Variants in ATM observed in about 807,000 individuals in gnomAD.
ATM encodes ATM serine/threonine kinase.
ATM carries 308 observed loss-of-function variants against 387.0 expected under a neutral mutation model. That is an observed-to-expected ratio of 0.80 (90% CI 0.73 to 0.87). The LOEUF (loss-of-function observed/expected upper bound fraction) is 0.87, where lower values mean the gene tolerates loss of function less well. Ranked by LOEUF, ATM falls within the 40% of genes least tolerant of loss-of-function variation. The pLI, the probability that ATM is intolerant of heterozygous loss-of-function variation, is 0.00. For missense variants in ATM, 3,312 were observed against 3,560.9 expected (o/e 0.93, Z 1.78); for synonymous variants, 1,156 against 1,187.3 (o/e 0.97, Z 0.54).
chr11:108,249,047 G>C lies in ATM; in HGVS notation c.1180G>C (p.Glu394Gln), dbSNP rs2135294063. 6.2e-7 allele frequency: 1 copy of C among 1,614,046 alleles called. No individual in the cohort carries two copies. The highest frequency in any genetic ancestry group is 1.7e-5 in the Admixed American group (1 of 60,010). The change falls in exon 9 of 63, where the codon GAA becomes CAA. Residue 394 changes from glutamate (E) to glutamine (Q), a missense_variant. By Grantham distance (29) the Glu-to-Gln change is conservative. Coordinates refer to ENST00000675843, the MANE Select transcript of ATM (RefSeq NM_000051.4). ...CKRKKIELGW[E>Q]VIKDHLQKSQ... ...AAGGAAGAAAATAGAACTAGGCTGG[G>C]AAGTAATAAAAGATCACCTTCAGAA...
chr11:108,293,888 A>ATATAT (rs1389525920), intron 31 of ATM, among the ~76,000 whole-genome samples: 268 of 108,816 alleles, frequency 2.5e-3, no homozygotes, highest in Non-Finnish European at 3.9e-3. Flanking sequence ...AAAAAAAAAA[A>ATATAT]AAAAAAATAT....
chr11:108,336,699 G>C (rs1334205335), intron 56 of ATM, among the ~76,000 whole-genome samples: 1 of 152,162 alleles, frequency 6.6e-6, no homozygotes, highest in African/African-American at 2.4e-5. Flanking sequence ...TGGATTGCTG[G>C]GTTAGAGGAT....
chr11:108,284,203 T>C, intron 25 of ATM, 24 bp from the exon 26 acceptor site: 5 of 1,544,986 alleles, frequency 3.2e-6, no homozygotes, highest in Non-Finnish European at 4.4e-6. Context: ...ATATAACCTG[T>C]ATTTTAAATT....
chr11:108,316,453 C>G (rs1229615337), intron 42 of ATM, among the ~76,000 whole-genome samples: 2 of 152,082 alleles, frequency 1.3e-5, no homozygotes, highest in African/African-American at 2.4e-5. Flanking sequence ...CATGGAAAAT[C>G]TTATGTAAAC....
intron 61 of ATM, among the ~76,000 whole-genome samples, chr11:108,358,070 C>A (rs1224712661): frequency 6.7e-6 from 1 of 148,434 alleles, no homozygotes; most frequent in Non-Finnish European, 1.5e-5. Flanking sequence ...GAATGTATAA[C>A]TAGAATAACC....
chr11:108,335,878 CAACA>C lies in ATM; in HGVS notation c.8186_8189del (p.Gln2729ArgfsTer21). ...TGACCTGAGACAAGATGCTGTCATG[CAACA>C]GGTCTTCCAGATGTGTAATACATTA... On this transcript the variant is annotated frameshift_variant, in exon 56 of 63. Transcript: ENST00000675843. LOFTEE classifies it high-confidence loss of function. The C allele has an allele frequency of 6.2e-7, 1 of 1,613,902 alleles. No individual in the cohort carries two copies. The highest frequency in any genetic ancestry group is 8.5e-7 in the Non-Finnish European group (1 of 1,179,938).
chr11:108,267,804 G>A (rs1190082982), intron 17 of ATM, among the ~76,000 whole-genome samples: 1 of 152,216 alleles, frequency 6.6e-6, no homozygotes, highest in African/African-American at 2.4e-5. Flanking sequence ...GTTGCAGTGA[G>A]CCGAGATCAT....
chr11:108,297,051 G>A (rs1036117254), intron 32 of ATM: 3 of 487,454 alleles, frequency 6.2e-6, no homozygotes, highest in East Asian at 3.8e-5. Context: ...TGCACAATTT[G>A]TTTAAGACAT....
chr11:108,302,449 A>G (rs1405262908), intron 35 of ATM, among the ~76,000 whole-genome samples: 1 of 152,156 alleles, frequency 6.6e-6, no homozygotes, highest in Admixed American at 6.5e-5. Flanking sequence ...CTGGTAATAT[A>G]AACTGTTAAT....
intron 51 of ATM, 21 bp downstream of exon 51, chr11:108,331,578 A>T (rs1428052680): frequency 3.8e-6 from 6 of 1,589,434 alleles, no homozygotes; most frequent in Non-Finnish European, 5.1e-6. Context: ...CTGAAAATCA[A>T]ACCACAATAA....
At chr11:108,323,628 A>G (rs184995380) in intron 45 of ATM, among the ~76,000 whole-genome samples, 1 of 152,322 alleles carries the variant, frequency 6.6e-6, no homozygotes, top group East Asian at 1.9e-4. Flanking sequence ...ATCATTACAC[A>G]TTGTATGCTT....
Position 108,365,808 on chromosome 11 carries a change from T to A in ATM, c.*300T>A. The A allele has an allele frequency of 2.6e-6, 1 of 382,234 alleles. No individual in the cohort carries two copies. Among genetic ancestry groups the A allele is most frequent in the South Asian group, 2.6e-5 (1 of 38,306 alleles). 23.7% of individuals were successfully genotyped at this position (382,234 alleles called of 1,614,324 possible). ...GTGAGCGGATCACAAGGTCAGGAGT[T>A]CGAGACCAGCCTGGCCAAGAGACCA... On this transcript the variant is annotated 3_prime_UTR_variant, in exon 63 of 63. Coordinates refer to ENST00000675843, the MANE Select transcript of ATM (RefSeq NM_000051.4).
chr11:108,268,443 C>G lies in ATM; in HGVS notation c.2672C>G (p.Ser891Ter), dbSNP rs876660780. Residue 891 changes from serine to a stop codon, truncating the protein, a stop_gained, in exon 18 of 63, where the codon TCA becomes TGA. Transcript: ENST00000675843. LOFTEE classifies it high-confidence loss of function. ...AATCCTTTAGCTGAAGAATATCTGT[C>G]AAAGCAAGATCTACTTTTCTTAGAC... ...AINPLAEEYL[S>*]KQDLLFLDML... 1.9e-6 allele frequency: 3 copies of G among 1,613,846 alleles called. No individual in the cohort carries two copies. The highest frequency in any genetic ancestry group is 2.2e-5 in the South Asian group (2 of 91,062).
chr11:108,267,455 C>A, intron 17 of ATM, 113 bp downstream of exon 17: 3 of 897,258 alleles, frequency 3.3e-6, no homozygotes, highest in Non-Finnish European at 5.3e-6. Context: ...CTTAGTATAG[C>A]CTTTTAGGAT....
intron 16 of ATM, among the ~76,000 whole-genome samples, chr11:108,264,274 C>T (rs575076269): frequency 2.8e-4 from 42 of 151,992 alleles, no homozygotes; most frequent in African/African-American, 8.0e-4. Flanking sequence ...ATCAAAAAGC[C>T]TATCCACCAT....
At chr11:108,250,616 G>C (rs570970865) in intron 9 of ATM, 85 bp from the exon 10 acceptor site, 8 of 1,380,112 alleles carry the variant, frequency 5.8e-6, no homozygotes, top group African/African-American at 4.3e-5. Flanking sequence ...TTAGGATATT[G>C]TAAGAGTACC....
chr11:108,243,493 G>A (rs999309421), intron 5 of ATM, among the ~76,000 whole-genome samples: 1 of 152,010 alleles, frequency 6.6e-6, no homozygotes, highest in Non-Finnish European at 1.5e-5. Flanking sequence ...TGCGCCTGTG[G>A]TCCCAGCTAC....
Position 108,299,712 on chromosome 11 carries a change from A to T in ATM, c.5006-2A>T, listed in dbSNP as rs2135887733. The stretch of plus-strand genomic sequence containing the variant: ...CTACTGAAATAGAATTTCTATATGT[A>T]GAGGCTGTTGGAAGCTGCTTGGGAG... On this transcript the variant is annotated splice_acceptor_variant, in intron 33 of 62. Transcript: ENST00000675843. LOFTEE classifies it high-confidence loss of function. 6.2e-7 allele frequency: 1 copy of T among 1,613,500 alleles called. No homozygotes were observed. The highest frequency in any genetic ancestry group is 8.5e-7 in the Non-Finnish European group (1 of 1,179,704).
At chr11:108,329,500 G>A (rs749348557) in intron 49 of ATM, among the ~76,000 whole-genome samples, 1 of 151,572 alleles carries the variant, frequency 6.6e-6, no homozygotes, top group African/African-American at 2.4e-5. Context: ...CTGCAACCTC[G>A]ACCTCCTGGA....
Sources: gnomAD v4.1 joint callset for allele counts (sites outside exome capture counted in the v4.1 genomes callset) on GRCh38, gnomAD v4.1.1 for gene constraint, MANE v1.5 for transcripts, NCBI Gene and HGNC (gene_info 2026-07-23, HGNC 2026-07-21) for gene names.